HACE1: variants seen among roughly 807,000 people sequenced by gnomAD.
HACE1 encodes E3 ubiquitin-protein ligase HACE1.
A neutral mutation model predicts 118.4 loss-of-function variants in HACE1; 73 were observed. That is an observed-to-expected ratio of 0.62 (90% CI 0.51 to 0.75). HACE1 has a LOEUF of 0.75. Among genes scored for constraint, HACE1 ranks in the 30% least tolerant of loss-of-function variants. The pLI, the probability that HACE1 is intolerant of heterozygous loss-of-function variation, is 0.00. For missense variants in HACE1, 749 were observed against 1,102.2 expected (o/e 0.68, Z 4.54); for synonymous variants, 368 against 374.8 (o/e 0.98, Z 0.21).
chr6:104,749,854 C>T (rs186982353), intron 20 of HACE1, among the ~76,000 whole-genome samples: 5 of 151,980 alleles, frequency 3.3e-5, no homozygotes, highest in Admixed American at 2.6e-4. Flanking sequence ...ATGGCAAAGA[C>T]GATGGACTCC....
chr6:104,730,404 T>A lies in HACE1; in HGVS notation c.2526A>T (p.Pro842=), dbSNP rs750203573. ...CCATGATATTAGCAAACCCACCATG[T>A]GGGACCCTGGAACTAAGAGTTTATA... The part of the protein sequence containing the change: ...LQFVTGSSRV[P]HGGFANIMGG... Residue 842 remains proline (P), a synonymous_variant, in exon 23 of 24, where the codon CCA becomes CCT. Coordinates refer to ENST00000262903, the MANE Select transcript of HACE1 (RefSeq NM_020771.4). The A allele has an allele frequency of 2.7e-6, 4 of 1,497,018 alleles. No homozygotes were observed. Among genetic ancestry groups the A allele is most frequent in the South Asian group, 1.1e-5 (1 of 88,686 alleles). 92.7% of individuals were successfully genotyped at this position (1,497,018 alleles called of 1,614,324 possible).
At chr6:104,816,978 G>A (rs995353534) in intron 6 of HACE1, among the ~76,000 whole-genome samples, 8 of 152,118 alleles carry the variant, frequency 5.3e-5, no homozygotes, top group African/African-American at 1.9e-4. Flanking sequence ...TTTGTGTTTT[G>A]GCCAATTTCT....
At position 104,772,036 on chromosome 6, in the gene HACE1, G is replaced by T. The variant is rs2114713627; in HGVS notation, c.1903C>A (p.Pro635Thr). The change falls in exon 18 of 24, where the codon CCT becomes ACT. Residue 635 changes from proline to threonine, a missense_variant. Pro to Thr is a conservative substitution (Grantham distance 38, BLOSUM62 -1). Coordinates refer to ENST00000262903, the MANE Select transcript of HACE1 (RefSeq NM_020771.4). ...AACCGAAAATAGTTCAAGTGATCAG[G>T]ATTTACATAAGAGTTGCTATTAGGC... ...FQPNSNSYVN[P>T]DHLNYFRFAG... is the part of the protein sequence containing the mutation. 1 of 1,606,370 alleles carries T rather than the reference G, an allele frequency of 6.2e-7. No homozygotes were observed. Among genetic ancestry groups the T allele is most frequent in the East Asian group, 2.2e-5 (1 of 44,792 alleles).
At chr6:104,792,415 C>T (rs1348529168) in intron 10 of HACE1, among the ~76,000 whole-genome samples, 3 of 152,182 alleles carry the variant, frequency 2.0e-5, no homozygotes, top group African/African-American at 7.2e-5. Flanking sequence ...CAATAATTAC[C>T]TTTCCACAGA....
At position 104,859,866 on chromosome 6, in the gene HACE1, C is replaced by T; in HGVS notation, c.-224G>A. 2 of 497,822 alleles carry T rather than the reference C, an allele frequency of 4.0e-6. No homozygotes were observed. The highest frequency in any genetic ancestry group is 7.0e-6 in the Non-Finnish European group (2 of 283,716). The allele number at this position is 497,822 out of a possible 1,614,324, so 30.8% of individuals were successfully genotyped here. A position where few individuals can be genotyped will look rare whatever the true frequency, so the allele number is the denominator to read the frequency against. ...GTACACCCGCCGCCGCCTCTGCTCGCGCCTTTCCTGCAGCCCCCGCCGCCG... is the reference window on the plus strand; with the variant it reads ...GTACACCCGCCGCCGCCTCTGCTCGTGCCTTTCCTGCAGCCCCCGCCGCCG... On this transcript the variant is annotated 5_prime_UTR_variant, in exon 1 of 24. Transcript: ENST00000262903.
chr6:104,810,587 A>G (rs1177490439), intron 7 of HACE1, among the ~76,000 whole-genome samples: 2 of 152,036 alleles, frequency 1.3e-5, no homozygotes, highest in Non-Finnish European at 2.9e-5. Flanking sequence ...ATTTTTACAT[A>G]TGTGTGTGGG....
chr6:104,738,864 T>A (rs964346667), intron 22 of HACE1, among the ~76,000 whole-genome samples: 3 of 150,768 alleles, frequency 2.0e-5, no homozygotes, highest in Admixed American at 6.6e-5. Context: ...GACACATAAC[T>A]GTCAGATTCA....
chr6:104,806,247 A>G lies in HACE1; in HGVS notation c.617+5064T>C, dbSNP rs964730122. 5.0e-4 allele frequency among the ~76,000 whole-genome samples: 76 copies of G among 152,168 alleles called. 2 individuals are homozygous for G. On this transcript the variant is annotated intron_variant, in intron 7 of 23. Transcript: ENST00000262903. ...GAGGCTTAGACTGGAGAATCACTTG[A>G]GGCCAGGCGTTGAAGACCCGCTTGG...
chr6:104,748,137 C>T (rs568127018), intron 20 of HACE1, among the ~76,000 whole-genome samples: 3 of 151,452 alleles, frequency 2.0e-5, no homozygotes, highest in East Asian at 3.9e-4. Flanking sequence ...ATGTTAAACC[C>T]CAAAATTTTT....
chr6:104,744,260 T>C lies in HACE1; in HGVS notation c.2443-30A>G, dbSNP rs148836542. The C allele has an allele frequency of 6.3e-5, 85 of 1,357,606 alleles. No individual in the cohort carries two copies. In the East Asian group the frequency reaches 1.9e-3, roughly 31 times the overall value. 84.1% of individuals were successfully genotyped at this position (1,357,606 alleles called of 1,614,324 possible). A position where few individuals can be genotyped will look rare whatever the true frequency, so the allele number is the denominator to read the frequency against. ...CAACAAGAACAAAAAACTTAGCTCATATTTCAGAGCAATTGTAGACTTCTC... is the reference window on the plus strand; with the variant it reads ...CAACAAGAACAAAAAACTTAGCTCACATTTCAGAGCAATTGTAGACTTCTC... On this transcript the variant is annotated intron_variant, in intron 21 of 23. Transcript: ENST00000262903.
rs182510865 is a variant in HACE1 at position 104,744,338 on chromosome 6, C to T, written c.2443-108G>A. The T allele has an allele frequency of 1.7e-4, 145 of 873,380 alleles. 1 individual carries two copies. In the East Asian group the frequency reaches 2.8e-3, roughly 17 times the overall value. 54.1% of individuals were successfully genotyped at this position (873,380 alleles called of 1,614,324 possible). ...AAAGCACATTTTATTCTACAAAACTCGTTTACCAAAAATGATTTCATGCAA... is the reference window on the plus strand; with the variant it reads ...AAAGCACATTTTATTCTACAAAACTTGTTTACCAAAAATGATTTCATGCAA... On this transcript the variant is annotated intron_variant, in intron 21 of 23. Coordinates refer to ENST00000262903, the MANE Select transcript of HACE1 (RefSeq NM_020771.4).
chr6:104,730,568 G>T, intron 22 of HACE1, 152 bp from the exon 23 acceptor site: 1 of 636,364 alleles, frequency 1.6e-6, no homozygotes. Context: ...ATTCATTACT[G>T]TAAGTTGCTT....
At chr6:104,777,396 C>A in intron 14 of HACE1, 79 bp from the exon 15 acceptor site, 1 of 851,356 alleles carries the variant, frequency 1.2e-6, no homozygotes, top group South Asian at 1.3e-5. Context: ...TTGCTAAATG[C>A]CTTTTCTACA....
chr6:104,816,643 T>C (rs551527078), intron 6 of HACE1, among the ~76,000 whole-genome samples: 2 of 152,274 alleles, frequency 1.3e-5, no homozygotes, highest in African/African-American at 4.8e-5. Context: ...ACAGGAAATG[T>C]GGAGTTAGAA....
At position 104,859,699 on chromosome 6, in the gene HACE1, GC is replaced by G; in HGVS notation, c.-58del. 6.9e-7 allele frequency: 1 copy of G among 1,440,406 alleles called. No individual in the cohort carries two copies. The highest frequency in any genetic ancestry group is 9.4e-7 in the Non-Finnish European group (1 of 1,065,764). The allele number at this position is 1,440,406 out of a possible 1,614,324, so 89.2% of individuals were successfully genotyped here. A position where few individuals can be genotyped will look rare whatever the true frequency, so the allele number is the denominator to read the frequency against. On this transcript the variant is annotated 5_prime_UTR_variant, in exon 1 of 24. Transcript: ENST00000262903. ...CAGCCGCCCCACCGGCGGCCTCCGC[GC>G]CCAGAGCCCTACATCTCGCCTGGGC...
intron 11 of HACE1, among the ~76,000 whole-genome samples, chr6:104,789,773 T>C (rs1423356924): frequency 6.6e-6 from 1 of 152,158 alleles, no homozygotes; most frequent in Non-Finnish European, 1.5e-5. Flanking sequence ...TTTATATTCA[T>C]CATTACTGAT....
intron 10 of HACE1, among the ~76,000 whole-genome samples, chr6:104,794,450 T>C (rs534698654): frequency 2.0e-5 from 3 of 152,326 alleles, no homozygotes; most frequent in South Asian, 4.1e-4. Flanking sequence ...TACAGAATTA[T>C]CTTATTTCAC....
At chr6:104,853,665 T>C (rs1376750946) in intron 1 of HACE1, among the ~76,000 whole-genome samples, 1 of 152,130 alleles carries the variant, frequency 6.6e-6, no homozygotes, top group Non-Finnish European at 1.5e-5. Flanking sequence ...AGAAAATTTA[T>C]AGTGAAGAAC....
At chr6:104,739,024 A>T (rs1776287773) in intron 22 of HACE1, among the ~76,000 whole-genome samples, 2 of 149,048 alleles carry the variant, frequency 1.3e-5, no homozygotes, top group African/African-American at 5.1e-5. Flanking sequence ...CAACATTCTT[A>T]AAGAAAAGAA....
Sources: allele counts gnomAD v4.1 joint callset (sites outside exome capture counted in the v4.1 genomes callset), GRCh38; gene constraint gnomAD v4.1.1; transcripts MANE v1.5; gene names NCBI Gene and HGNC (gene_info 2026-07-23, HGNC 2026-07-21).